The following PCDHGA2 variants were observed in gnomAD, a reference collection of about 807,000 sequenced individuals.
PCDHGA2 encodes the protein protocadherin gamma subfamily A, 2.
Under a neutral mutation model 59.2 loss-of-function variants are expected in PCDHGA2, and 40 were observed. The ratio of observed to expected loss-of-function variants is 0.68; its 90% confidence interval spans 0.52 to 0.88. PCDHGA2 has a LOEUF of 0.88. PCDHGA2 is among the 40% of genes least tolerant of loss of function. The pLI is 0.00. For missense variants in PCDHGA2, 1,226 were observed against 1,204.0 expected (o/e 1.02, Z -0.27); for synonymous variants, 560 against 526.0 (o/e 1.06, Z -0.89).
intron 1 of PCDHGA2, chr5:141,371,175 G>A: frequency 3.1e-6 from 5 of 1,614,004 alleles, no homozygotes; most frequent in Non-Finnish European, 4.2e-6. Flanking sequence ...TGGCTCCTCC[G>A]TATTAAAAGT....
chr5:141,491,937 AC>A lies in PCDHGA2; in HGVS notation c.2425-2865del. ...CTGTGGGCGAGGGGAGGTGGGACCG[AC>A]CCCCACCCCTACACTCAAAAAAGGC... On this transcript the variant is annotated intron_variant, in intron 1 of 3. Transcript: ENST00000394576. This position sits in a 1 kb window ranked among gnomAD's most constrained non-coding sequence, Gnocchi z 6.9. The A allele has an allele frequency of 3.4e-6, 4 of 1,164,304 alleles. No homozygotes were observed. Among genetic ancestry groups the A allele is most frequent in the Non-Finnish European group, 4.7e-6 (4 of 858,404 alleles). The allele number at this position is 1,164,304 out of a possible 1,614,324, so 72.1% of individuals were successfully genotyped here.
At position 141,431,391 on chromosome 5, in the gene PCDHGA2, T is replaced by C; in HGVS notation, c.2425-63416T>C. Reference sequence around the variant, plus strand: ...GAAGAAAAGGCTGCTCACCACCTGGTCCTTACGGCCTCCGACGGGGGCGAC... The same window carrying C: ...GAAGAAAAGGCTGCTCACCACCTGGCCCTTACGGCCTCCGACGGGGGCGAC... On this transcript the variant is annotated intron_variant, in intron 1 of 3. Transcript: ENST00000394576. The surrounding 1 kb of genome is among the most constrained non-coding windows in gnomAD (Gnocchi z 4.8). 1 of 1,613,852 alleles carries C rather than the reference T, an allele frequency of 6.2e-7. No homozygotes were observed.
chr5:141,404,330 T>C, intron 1 of PCDHGA2: 1 of 1,613,934 alleles, frequency 6.2e-7, no homozygotes, highest in African/African-American at 1.3e-5. Context: ...CTACTCAGTC[T>C]ACCTCCCGGA....
chr5:141,430,369 A>G (rs564811230), intron 1 of PCDHGA2, among the ~76,000 whole-genome samples: 1 of 151,582 alleles, frequency 6.6e-6, no homozygotes, highest in East Asian at 1.9e-4. Flanking sequence ...ATTGGGGAAA[A>G]AAAAGCTCAT....
Position 141,421,812 on chromosome 5 carries a change from A to G in PCDHGA2, c.2425-72995A>G, listed in dbSNP as rs779804436. On this transcript the variant is annotated intron_variant, in intron 1 of 3. Transcript: ENST00000394576. ...CGGATGGGGCCAAGAATCCAGAGCTAGTACTGGAGGGAAGCCTGGACCGAG... is the reference window on the plus strand; with the variant it reads ...CGGATGGGGCCAAGAATCCAGAGCTGGTACTGGAGGGAAGCCTGGACCGAG... 9.9e-6 allele frequency: 16 copies of G among 1,613,704 alleles called. 1 individual carries two copies. In the South Asian group the frequency reaches 1.5e-4, roughly 16 times the overall value.
intron 1 of PCDHGA2, among the ~76,000 whole-genome samples, chr5:141,470,239 A>G (rs978204909): frequency 1.3e-5 from 2 of 152,232 alleles, no homozygotes; most frequent in African/African-American, 2.4e-5. Flanking sequence ...AAACCCTTGA[A>G]TGTCCCACCT....
intron 1 of PCDHGA2, among the ~76,000 whole-genome samples, chr5:141,465,038 G>T (rs1297185291): frequency 6.6e-6 from 1 of 151,642 alleles, no homozygotes; most frequent in Non-Finnish European, 1.5e-5. Flanking sequence ...CACCACAAAT[G>T]ACCCTATATA....
chr5:141,345,252 G>A, intron 1 of PCDHGA2: 1 of 1,613,946 alleles, frequency 6.2e-7, no homozygotes, highest in Non-Finnish European at 8.5e-7. Flanking sequence ...CTTAGTGACG[G>A]CCACATCCCT....
intron 1 of PCDHGA2, chr5:141,355,755 G>T (rs761483033): frequency 6.2e-7 from 1 of 1,613,924 alleles, no homozygotes; most frequent in African/African-American, 1.3e-5. Flanking sequence ...TGCAAAGTGG[G>T]GCCGATGGGA....
At chr5:141,413,086 A>T in intron 1 of PCDHGA2, 1 of 1,344,152 alleles carries the variant, frequency 7.4e-7, no homozygotes, top group Non-Finnish European at 1.0e-6. Flanking sequence ...GGCTACAGAG[A>T]CACCCTGAAG....
intron 1 of PCDHGA2, chr5:141,399,270 A>G (rs1318152877): frequency 1.2e-6 from 2 of 1,613,854 alleles, no homozygotes; most frequent in African/African-American, 1.3e-5. Flanking sequence ...TTAATTGTCA[A>G]TTACAAGGCG....
chr5:141,488,518 G>A lies in PCDHGA2; in HGVS notation c.2425-6289G>A, dbSNP rs2233597. On this transcript the variant is annotated intron_variant, in intron 1 of 3. Coordinates refer to ENST00000394576, the MANE Select transcript of PCDHGA2 (RefSeq NM_018915.4). Reference sequence around the variant, plus strand: ...CACTCATTCCACATTTGGGGTCTGGGGTGTCAGAAAAGCTAAGTCCCATGT... The same window carrying A: ...CACTCATTCCACATTTGGGGTCTGGAGTGTCAGAAAAGCTAAGTCCCATGT... Among the ~76,000 whole-genome samples the A allele has an allele frequency of 5.8e-3, 879 of 152,218 alleles. 4 individuals are homozygous for A. The highest frequency in any genetic ancestry group is 0.021 in the African/African-American group (853 of 41,520).
rs1258429378 is a variant in PCDHGA2 at position 141,346,461 on chromosome 5, A to G, written c.2424+5066A>G. 3 of 1,614,014 alleles carry G rather than the reference A, an allele frequency of 1.9e-6. No homozygotes were observed. In the Admixed American group the frequency reaches 5.0e-5, roughly 27 times the overall value. On this transcript the variant is annotated intron_variant, in intron 1 of 3. Coordinates refer to ENST00000394576, the MANE Select transcript of PCDHGA2 (RefSeq NM_018915.4). Reference sequence around the variant, plus strand: ...AGGAGATTCCAACCTACTTCAGGTGAGTTTATTTATTTCTTTGATTATTAA... The same window carrying G: ...AGGAGATTCCAACCTACTTCAGGTGGGTTTATTTATTTCTTTGATTATTAA...
At chr5:141,474,148 A>G (rs773360112) in intron 1 of PCDHGA2, among the ~76,000 whole-genome samples, 4 of 152,244 alleles carry the variant, frequency 2.6e-5, no homozygotes, top group Non-Finnish European at 5.9e-5. Context: ...CTTATTATCA[A>G]GAAAATGACA....
intron 2 of PCDHGA2, among the ~76,000 whole-genome samples, chr5:141,500,136 A>G (rs966215589): frequency 6.6e-6 from 1 of 151,606 alleles, no homozygotes; most frequent in African/African-American, 2.4e-5. Flanking sequence ...ATATCTTTCT[A>G]AACTTTTCTT....
In PCDHGA2 at chr5:141,422,062, A is replaced by G. The variant is rs776838280; in HGVS notation, c.2425-72745A>G. The G allele has an allele frequency of 1.2e-6, 2 of 1,612,022 alleles. No individual in the cohort carries two copies. The highest frequency in any genetic ancestry group is 2.7e-5 in the African/African-American group (2 of 74,802). ...AGACGAGGGAATCAACGGGGAAGTAATGTATTCATTTCGGAACATGGAAAG... is the reference window on the plus strand; with the variant it reads ...AGACGAGGGAATCAACGGGGAAGTAGTGTATTCATTTCGGAACATGGAAAG... On this transcript the variant is annotated intron_variant, in intron 1 of 3. Transcript: ENST00000394576.
At chr5:141,376,372 G>T in intron 1 of PCDHGA2, 1 of 1,614,182 alleles carries the variant, frequency 6.2e-7, no homozygotes, top group Non-Finnish European at 8.5e-7. Flanking sequence ...CTGCAGACTC[G>T]CGTAAGAGTC....
intron 1 of PCDHGA2, chr5:141,383,890 G>T: frequency 1.2e-6 from 2 of 1,613,936 alleles, no homozygotes; most frequent in East Asian, 2.2e-5. Context: ...TCTGACAAAG[G>T]CAAAAGTACT....
In PCDHGA2 at chr5:141,502,866, C is replaced by CTTTTTTTTTTTT. The variant is rs549047197; in HGVS notation, c.2484-2524_2484-2513dup. 2.4e-4 allele frequency among the ~76,000 whole-genome samples: 31 copies of CTTTTTTTTTTTT among 128,008 alleles called. 3 individuals are homozygous for CTTTTTTTTTTTT. Among genetic ancestry groups the CTTTTTTTTTTTT allele is most frequent in the African/African-American group, 3.4e-4 (11 of 32,350 alleles). 84.0% of individuals were successfully genotyped at this position (128,008 alleles called of 152,430 possible). ...GAGCTGCCTAACCCTGACTCTCTGT[C>CTTTTTTTTTTTT]TTTTTTTTTTTTTTGACAGGGAGTC... is the stretch of plus-strand genomic sequence containing the variant. On this transcript the variant is annotated intron_variant, in intron 2 of 3. Transcript: ENST00000394576.
Sources: gnomAD v4.1 joint callset for allele counts (sites outside exome capture counted in the v4.1 genomes callset) on GRCh38, gnomAD v4.1.1 for gene constraint, Gnocchi (gnomAD v3.1) non-coding constraint, MANE v1.5 for transcripts, NCBI Gene and HGNC (gene_info 2026-07-23, HGNC 2026-07-21) for gene names.